Variants in ATRN observed in about 807,000 individuals in gnomAD.
The protein encoded by ATRN is attractin-2.
ATRN carries 54 observed loss-of-function variants against 178.7 expected under a neutral mutation model. That is an observed-to-expected ratio of 0.30 (90% CI 0.24 to 0.38). The LOEUF (loss-of-function observed/expected upper bound fraction) is 0.38. ATRN is among the 10% of genes least tolerant of loss of function. The pLI, the probability that ATRN is intolerant of heterozygous loss-of-function variation, is 1.00. For synonymous variants in ATRN, 636 were observed against 663.0 expected (o/e 0.96, Z 0.63); for missense variants, 1,443 against 1,815.1 (o/e 0.79, Z 3.73).
intron 24 of ATRN, among the ~76,000 whole-genome samples, chr20:3,621,401 C>G (rs2086896314): frequency 6.6e-6 from 1 of 152,150 alleles, no homozygotes; most frequent in Non-Finnish European, 1.5e-5. Flanking sequence ...CCCTGGGGCT[C>G]ACTGAGCTTC....
chr20:3,629,430 T>C, intron 25 of ATRN: 1 of 465,450 alleles, frequency 2.1e-6, no homozygotes, highest in Non-Finnish European at 2.8e-6. Flanking sequence ...TATCCCATTT[T>C]CTGGAACACT....
intron 3 of ATRN, among the ~76,000 whole-genome samples, chr20:3,541,076 A>ATTTTTTTTTTTTTTT (rs1331876349): frequency 5.0e-5 from 6 of 119,032 alleles, no homozygotes; most frequent in Non-Finnish European, 9.0e-5. Context: ...ATGATAGAGG[A>ATTTTTTTTTTTTTTT]TTTTTTTTTT....
chr20:3,494,634 A>G (rs2084853191), intron 1 of ATRN, among the ~76,000 whole-genome samples: 1 of 152,196 alleles, frequency 6.6e-6, no homozygotes, highest in Non-Finnish European at 1.5e-5. Flanking sequence ...TTTGGAAGAT[A>G]GGGTAGATGA....
At chr20:3,612,940 G>GC (rs1175607086) in intron 24 of ATRN, among the ~76,000 whole-genome samples, 1 of 152,152 alleles carries the variant, frequency 6.6e-6, no homozygotes, top group East Asian at 1.9e-4. Flanking sequence ...CCAATGCCGA[G>GC]TTTTTTTCCT....
intron 12 of ATRN, among the ~76,000 whole-genome samples, chr20:3,573,343 G>A (rs1192343711): frequency 6.6e-6 from 1 of 152,168 alleles, no homozygotes; most frequent in East Asian, 1.9e-4. Context: ...TCAGATACTT[G>A]AAATGTAGCT....
Position 3,559,269 on chromosome 20 carries a change from A to T in ATRN, c.1113-124A>T, listed in dbSNP as rs541376569. The T allele has an allele frequency of 6.9e-6, 5 of 720,054 alleles. No individual in the cohort carries two copies. In the South Asian group the frequency reaches 8.4e-5, roughly 12 times the overall value. 44.6% of individuals were successfully genotyped at this position (720,054 alleles called of 1,614,324 possible). The stretch of plus-strand genomic sequence containing the variant: ...GTCAGGTTTATTTGTGAAGGTGACA[A>T]GTGCCCCCCTACATCCATGGTGGAT... On this transcript the variant is annotated intron_variant, in intron 6 of 28. Coordinates refer to ENST00000262919, the MANE Select transcript of ATRN (RefSeq NM_139321.3).
chr20:3,633,838 T>C (rs2087005989), intron 25 of ATRN, among the ~76,000 whole-genome samples: 1 of 152,226 alleles, frequency 6.6e-6, no homozygotes, highest in African/African-American at 2.4e-5. Flanking sequence ...TTTGTAAAAA[T>C]ATTGAATATA....
At chr20:3,570,477 A>G (rs2086104540) in intron 11 of ATRN, among the ~76,000 whole-genome samples, 1 of 151,146 alleles carries the variant, frequency 6.6e-6, no homozygotes. Flanking sequence ...TAATGTAGTG[A>G]TTTCTTAGTA....
intron 26 of ATRN, among the ~76,000 whole-genome samples, chr20:3,635,033 A>G (rs1429469250): frequency 6.6e-6 from 1 of 151,852 alleles, no homozygotes; most frequent in Non-Finnish European, 1.5e-5. Context: ...GTGTGTATGT[A>G]TATATATATA....
In ATRN at chr20:3,650,059, A is replaced by G. The variant is rs528923979; in HGVS notation, c.*3212A>G. The G allele has an allele frequency of 1.3e-5, 2 of 152,378 alleles. No homozygotes were observed. Among genetic ancestry groups the G allele is most frequent in the Admixed American group, 1.3e-4 (2 of 15,300 alleles). The allele number at this position is 152,378 out of a possible 1,614,324, so 9.4% of individuals were successfully genotyped here. On this transcript the variant is annotated 3_prime_UTR_variant, in exon 29 of 29. Coordinates refer to ENST00000262919, the MANE Select transcript of ATRN (RefSeq NM_139321.3). ...ACCCGGAGGAAAGGCAGTCCTGGAC[A>G]GAAGACTGTCAGCAGAAGGAAAGTA...
At chr20:3,537,487 CTTGT>C (rs1167155669) in intron 2 of ATRN, among the ~76,000 whole-genome samples, 5 of 141,268 alleles carry the variant, frequency 3.5e-5, no homozygotes, top group African/African-American at 7.7e-5. Flanking sequence ...ATATTTTTTT[CTTGT>C]TTTTTTTTTT....
At position 3,626,756 on chromosome 20, in the gene ATRN, T is replaced by C. The variant is rs546580320; in HGVS notation, c.3863+2184T>C. On this transcript the variant is annotated intron_variant, in intron 25 of 28. Transcript: ENST00000262919. ...CTCAAACCATACATTGCATTTGCTA[T>C]TTTTGAAATGCATATGAATTATTTC... is the stretch of plus-strand genomic sequence containing the variant. 1.1e-4 allele frequency among the ~76,000 whole-genome samples: 16 copies of C among 151,970 alleles called. No individual in the cohort carries two copies. In the South Asian group the frequency reaches 3.3e-3, roughly 32 times the overall value.
In ATRN at chr20:3,584,665, A is replaced by G; in HGVS notation, c.2969A>G (p.Tyr990Cys). The G allele has an allele frequency of 1.2e-6, 2 of 1,613,284 alleles. No individual in the cohort carries two copies. Among genetic ancestry groups the G allele is most frequent in the Non-Finnish European group, 1.7e-6 (2 of 1,179,620 alleles). Reference sequence around the variant, plus strand: ...TTAATAGCTGAAAATTGTTCAGGCTACTGTACCTGTAGTCATTGCTTGGAG... The same window carrying G: ...TTAATAGCTGAAAATTGTTCAGGCTGCTGTACCTGTAGTCATTGCTTGGAG... ...STCPPENCSGYCTCSHCLEQP... is the reference protein window; with the variant it reads ...STCPPENCSGCCTCSHCLEQP... The change falls in exon 18 of 29, where the codon TAC becomes TGC. Residue 990 changes from tyrosine (Y) to cysteine (C), a missense_variant. Around this residue, in one of 4 missense-constraint regions of ATRN, gnomAD observed 212 missense variants for 330.7 expected, o/e 0.64. Transcript: ENST00000262919.
chr20:3,545,929 G>C, intron 4 of ATRN, 39 bp downstream of exon 4: 1 of 1,597,856 alleles, frequency 6.3e-7, no homozygotes. Flanking sequence ...TTTCATTCAG[G>C]AGACTATCTA....
At position 3,582,194 on chromosome 20, in the gene ATRN, C is replaced by T; in HGVS notation, c.2604C>T (p.Cys868=). 1 of 1,614,218 alleles carries T rather than the reference C, an allele frequency of 6.2e-7. No individual in the cohort carries two copies. ...GLRKINVSYW[C]WEDMSPFTNS... ...GGAAGATCAATGTGTCCTACTGGTG[C>T]TGGGAAGATATGTCCCCATTTACAA... Residue 868 remains cysteine, a synonymous_variant, in exon 16 of 29, where the codon TGC becomes TGT. Transcript: ENST00000262919.
chr20:3,626,258 C>G (rs1009133649), intron 25 of ATRN, among the ~76,000 whole-genome samples: 1 of 149,392 alleles, frequency 6.7e-6, no homozygotes, highest in Non-Finnish European at 1.5e-5. Context: ...AAAAGTCTGA[C>G]TACAGAATTC....
chr20:3,512,782 T>G (rs1321270327), intron 1 of ATRN, among the ~76,000 whole-genome samples: 2 of 152,228 alleles, frequency 1.3e-5, no homozygotes, highest in African/African-American at 2.4e-5. Flanking sequence ...GTTTCCTGAC[T>G]TTTTAATGAT....
intron 2 of ATRN, among the ~76,000 whole-genome samples, chr20:3,537,993 C>T (rs1222480279): frequency 1.4e-5 from 2 of 145,992 alleles, no homozygotes; most frequent in South Asian, 2.1e-4. Context: ...TTTTAGGGTA[C>T]ATGTGCACAT....
chr20:3,536,793 A>G (rs117737736), intron 2 of ATRN, among the ~76,000 whole-genome samples: 1,657 of 152,302 alleles, frequency 0.011, 14 homozygotes, highest in Admixed American at 0.02. Context: ...TGTCAAGAAG[A>G]TGAGGCCTCA....
Sources: gnomAD v4.1 joint callset for allele counts (sites outside exome capture counted in the v4.1 genomes callset) on GRCh38, gnomAD v4.1.1 for gene constraint, gnomAD v4.1.1 regional missense constraint, MANE v1.5 for transcripts, NCBI Gene and HGNC (gene_info 2026-07-23, HGNC 2026-07-21) for gene names.